AMBRA1: variants seen among roughly 807,000 people sequenced by gnomAD.
AMBRA1 encodes the protein autophagy and beclin 1 regulator 1.
AMBRA1 carries 47 observed loss-of-function variants against 125.4 expected under a neutral mutation model. The observed-to-expected ratio is 0.37, with a 90% CI of 0.30 to 0.48. The LOEUF is 0.48. Ranked by LOEUF, AMBRA1 falls within the 20% of genes least tolerant of loss-of-function variation. The probability of loss-of-function intolerance (pLI) is 0.99; values close to 1 mark genes in which losing one functional copy is unlikely to be tolerated. For missense variants in AMBRA1, 1,331 were observed against 1,693.4 expected (o/e 0.79, Z 3.76); for synonymous variants, 626 against 655.5 (o/e 0.95, Z 0.69).
chr11:46,579,974 A>G (rs1190638162), intron 1 of AMBRA1, among the ~76,000 whole-genome samples: 1 of 152,146 alleles, frequency 6.6e-6, no homozygotes, highest in Non-Finnish European at 1.5e-5. Flanking sequence ...CAGCCTCCCA[A>G]AGTGCTGGGA....
intron 1 of AMBRA1, among the ~76,000 whole-genome samples, chr11:46,585,695 A>AAATAT (rs1555017410): frequency 1.3e-4 from 3 of 22,912 alleles, no homozygotes; most frequent in African/African-American, 1.8e-4. Context: ...AAAAAAAAAA[A>AAATAT]ATATATATAT....
chr11:46,591,830 C>T (rs551035952), intron 1 of AMBRA1, among the ~76,000 whole-genome samples: 98 of 151,920 alleles, frequency 6.5e-4, no homozygotes, highest in African/African-American at 2.3e-3. Context: ...GCACTCCAGC[C>T]TGGGGGACAA....
chr11:46,497,771 C>T lies in AMBRA1; in HGVS notation c.2340-3567G>A, dbSNP rs538507728. ...AAGGCCATCAGTTTTAGTACTGGTA[C>T]ACAGAAATCCTGGACCAAAGGCACA... On this transcript the variant is annotated intron_variant, in intron 9 of 17. Transcript: ENST00000683756. Among the ~76,000 whole-genome samples, 8 of 152,278 alleles carry T rather than the reference C, an allele frequency of 5.3e-5. No individual in the cohort carries two copies. The East Asian group carries it at 1.5e-3, about 29-fold the overall frequency.
intron 15 of AMBRA1, among the ~76,000 whole-genome samples, chr11:46,415,979 T>C (rs569034078): frequency 4.8e-4 from 73 of 152,312 alleles, no homozygotes; most frequent in Non-Finnish European, 9.8e-4. Context: ...AAAACCTTTA[T>C]GAGGCCACAA....
At chr11:46,420,216 C>A (rs758645857) in intron 14 of AMBRA1, among the ~76,000 whole-genome samples, 1 of 152,174 alleles carries the variant, frequency 6.6e-6, no homozygotes, top group African/African-American at 2.4e-5. Flanking sequence ...GGACTCAACT[C>A]CAAATGTAAG....
intron 11 of AMBRA1, among the ~76,000 whole-genome samples, chr11:46,479,799 C>A (rs1247344001): frequency 1.8e-4 from 27 of 152,104 alleles, no homozygotes; most frequent in Non-Finnish European, 1.3e-4. Flanking sequence ...CTGCCAAATG[C>A]CAGATACATG....
At chr11:46,453,520 T>C (rs1045783115) in intron 11 of AMBRA1, among the ~76,000 whole-genome samples, 2 of 152,326 alleles carry the variant, frequency 1.3e-5, no homozygotes, top group East Asian at 3.9e-4. Flanking sequence ...GTTTTTATTT[T>C]ATAGAAAATA....
At chr11:46,562,089 G>A (rs1173161582) in intron 1 of AMBRA1, among the ~76,000 whole-genome samples, 1 of 152,140 alleles carries the variant, frequency 6.6e-6, no homozygotes, top group Admixed American at 6.5e-5. Flanking sequence ...AAAAAGGCTA[G>A]AAAGAAAATA....
intron 11 of AMBRA1, among the ~76,000 whole-genome samples, chr11:46,447,069 T>G (rs1948323803): frequency 6.6e-6 from 1 of 152,176 alleles, no homozygotes; most frequent in African/African-American, 2.4e-5. Flanking sequence ...AAGGGTATAA[T>G]AGTACCTACA....
At chr11:46,509,752 C>T (rs994059269) in intron 8 of AMBRA1, among the ~76,000 whole-genome samples, 5 of 151,846 alleles carry the variant, frequency 3.3e-5, no homozygotes, top group African/African-American at 1.2e-4. Flanking sequence ...GCAAAAAAAA[C>T]TATAAGGGAA....
intron 14 of AMBRA1, among the ~76,000 whole-genome samples, chr11:46,418,850 C>T (rs1946705546): frequency 6.6e-6 from 1 of 152,118 alleles, no homozygotes; most frequent in Admixed American, 6.5e-5. Flanking sequence ...CTGGAAAGCC[C>T]CATAAAGCCC....
chr11:46,511,262 T>A (rs1457748369), intron 8 of AMBRA1, among the ~76,000 whole-genome samples: 1 of 152,198 alleles, frequency 6.6e-6, no homozygotes, highest in Non-Finnish European at 1.5e-5. Flanking sequence ...GGGTGTATAA[T>A]CCTCAAACAT....
chr11:46,473,586 G>A (rs1396970228), intron 11 of AMBRA1, among the ~76,000 whole-genome samples: 27 of 152,240 alleles, frequency 1.8e-4, no homozygotes, highest in Non-Finnish European at 1.5e-5. Context: ...CAGGATTTCT[G>A]GAGGTAGAAT....
At chr11:46,557,643 C>T (rs1446745674) in intron 1 of AMBRA1, among the ~76,000 whole-genome samples, 2 of 152,052 alleles carry the variant, frequency 1.3e-5, no homozygotes, top group African/African-American at 4.8e-5. Flanking sequence ...CCTGTCTCTA[C>T]AAAAATTGTT....
At position 46,534,594 on chromosome 11, in the gene AMBRA1, G is replaced by A. The variant is rs984507576; in HGVS notation, c.2072+7351C>T. ...TGGATGGATGCATGGATCAATCACA[G>A]TTTACAAGCCCAACTCTCAGCGTTA... is the stretch of plus-strand genomic sequence containing the variant. On this transcript the variant is annotated intron_variant, in intron 7 of 17. Transcript: ENST00000683756. Among the ~76,000 whole-genome samples the A allele has an allele frequency of 3.3e-5, 5 of 152,216 alleles. No homozygotes were observed. The South Asian group carries it at 8.3e-4, about 25-fold the overall frequency.
At chr11:46,496,382 CAAATA>C (rs1204345302) in intron 9 of AMBRA1, among the ~76,000 whole-genome samples, 7 of 151,568 alleles carry the variant, frequency 4.6e-5, no homozygotes, top group Non-Finnish European at 7.4e-5. Context: ...AACTCTGTCT[CAAATA>C]AAATAAAATA....
rs531025511 is a variant in AMBRA1 at position 46,487,974 on chromosome 11, C to A, written c.2521+5634G>T. On this transcript the variant is annotated intron_variant, in intron 11 of 17. Coordinates refer to ENST00000683756, the MANE Select transcript of AMBRA1 (RefSeq NM_001387011.1). ...AAAGTAAAAGGATGGAAAATGATAT[C>A]TCATGTAATCAACAACCATAAAAGA... 5.9e-5 allele frequency among the ~76,000 whole-genome samples: 9 copies of A among 152,174 alleles called. No individual in the cohort carries two copies. The East Asian group carries it at 1.5e-3, about 26-fold the overall frequency.
At chr11:46,569,445 A>ATG in intron 1 of AMBRA1, among the ~76,000 whole-genome samples, 1 of 124,938 alleles carries the variant, frequency 8.0e-6, no homozygotes, top group African/African-American at 3.6e-5. Flanking sequence ...AAAAAAATAT[A>ATG]TATATATATA....
intron 16 of AMBRA1, among the ~76,000 whole-genome samples, chr11:46,409,521 G>A (rs965473190): frequency 6.6e-6 from 1 of 152,212 alleles, no homozygotes; most frequent in African/African-American, 2.4e-5. Flanking sequence ...TTATGAGGCT[G>A]TTCTGGGATC....
Sources: gnomAD v4.1 joint callset for allele counts (sites outside exome capture counted in the v4.1 genomes callset) on GRCh38, gnomAD v4.1.1 for gene constraint, MANE v1.5 for transcripts, NCBI Gene and HGNC (gene_info 2026-07-23, HGNC 2026-07-21) for gene names.